Variants in SLC14A2 observed in about 807,000 individuals in gnomAD.
The protein encoded by SLC14A2 is urea transporter 2.
In SLC14A2, 91 loss-of-function variants were observed where a neutral mutation model predicts 104.6. The observed-to-expected ratio is 0.87, with a 90% CI of 0.73 to 1.04. The LOEUF is 1.04. Ranked by LOEUF, SLC14A2 falls within the 50% of genes least tolerant of loss-of-function variation. The probability of loss-of-function intolerance (pLI) is 0.00; values close to 1 mark genes in which losing one functional copy is unlikely to be tolerated. For missense variants in SLC14A2, 1,189 were observed against 1,156.0 expected (o/e 1.03, Z -0.41); for synonymous variants, 476 against 466.4 (o/e 1.02, Z -0.27).
At chr18:45,311,679 C>T (rs988998341) in intron 1 of SLC14A2, among the ~76,000 whole-genome samples, 5 of 152,208 alleles carry the variant, frequency 3.3e-5, no homozygotes, top group African/African-American at 7.2e-5. Context: ...GATGTGCATG[C>T]ATTCTTGATT....
At chr18:45,234,455 A>G (rs1370368502) in intron 1 of SLC14A2, among the ~76,000 whole-genome samples, 3 of 152,204 alleles carry the variant, frequency 2.0e-5, no homozygotes. Flanking sequence ...TAGTCAACTG[A>G]TTTTAGTGAA....
At chr18:45,463,569 G>T (rs2087084754) in intron 1 of SLC14A2, among the ~76,000 whole-genome samples, 1 of 152,222 alleles carries the variant, frequency 6.6e-6, no homozygotes, top group African/African-American at 2.4e-5. Context: ...GAGCATGGGT[G>T]GTTGTAGCCA....
At chr18:45,221,766 G>A (rs1397910644) in intron 1 of SLC14A2, among the ~76,000 whole-genome samples, 1 of 152,034 alleles carries the variant, frequency 6.6e-6, no homozygotes, top group Non-Finnish European at 1.5e-5. Context: ...ACGGCACTTG[G>A]TGGGCACCAA....
chr18:45,294,453 G>A (rs1460173086), intron 1 of SLC14A2, among the ~76,000 whole-genome samples: 1 of 151,684 alleles, frequency 6.6e-6, no homozygotes, highest in East Asian at 1.9e-4. Context: ...AGACATTTAA[G>A]GACAAAAACA....
chr18:45,278,184 A>G (rs1256527572), intron 1 of SLC14A2, among the ~76,000 whole-genome samples: 1 of 152,200 alleles, frequency 6.6e-6, no homozygotes, highest in Non-Finnish European at 1.5e-5. Context: ...TGACTTCCTC[A>G]TAGAGGGTGG....
intron 1 of SLC14A2, among the ~76,000 whole-genome samples, chr18:45,224,399 G>A (rs550943357): frequency 6.6e-6 from 1 of 152,348 alleles, no homozygotes; most frequent in Admixed American, 6.5e-5. Flanking sequence ...GACCAATCAG[G>A]TGCCAGGTTG....
At chr18:45,660,771 A>G (rs2045924389) in intron 10 of SLC14A2, among the ~76,000 whole-genome samples, 1 of 152,224 alleles carries the variant, frequency 6.6e-6, no homozygotes, top group South Asian at 2.1e-4. Context: ...TTTGATAGAC[A>G]TGTTCATAAT....
chr18:45,324,292 C>T (rs946250417), intron 1 of SLC14A2, among the ~76,000 whole-genome samples: 10 of 152,176 alleles, frequency 6.6e-5, no homozygotes, highest in African/African-American at 2.2e-4. Context: ...GCCACTGTTT[C>T]CTTGTACTTG....
intron 2 of SLC14A2, among the ~76,000 whole-genome samples, chr18:45,545,045 C>T (rs765128640): frequency 2.6e-5 from 4 of 152,018 alleles, no homozygotes; most frequent in Non-Finnish European, 5.9e-5. Flanking sequence ...CTGCCCGCCT[C>T]GGCCTCCCAA....
At chr18:45,450,191 C>T (rs570261747) in intron 1 of SLC14A2, among the ~76,000 whole-genome samples, 3 of 152,354 alleles carry the variant, frequency 2.0e-5, no homozygotes, top group East Asian at 1.9e-4. Flanking sequence ...TCAGACAGCA[C>T]ATTCTCTGCT....
chr18:45,600,650 G>C (rs2044775523), intron 2 of SLC14A2, among the ~76,000 whole-genome samples: 1 of 152,166 alleles, frequency 6.6e-6, no homozygotes, highest in African/African-American at 2.4e-5. Flanking sequence ...CAATGAGGAA[G>C]AGGCTGGGCA....
intron 10 of SLC14A2, chr18:45,647,906 A>G (rs1444063582): frequency 6.6e-6 from 1 of 152,078 alleles, no homozygotes; most frequent in East Asian, 1.9e-4. Flanking sequence ...TTGATTTTGG[A>G]CATATAAAAT....
intron 1 of SLC14A2, among the ~76,000 whole-genome samples, chr18:45,435,697 A>C (rs1051531252): frequency 3.3e-5 from 5 of 152,210 alleles, no homozygotes; most frequent in Admixed American, 3.3e-4. Context: ...AATCCACTGG[A>C]TAGTGCCTAG....
chr18:45,669,633 A>C, intron 16 of SLC14A2, 135 bp downstream of exon 16: 1 of 708,412 alleles, frequency 1.4e-6, no homozygotes, highest in Non-Finnish European at 2.3e-6. Context: ...CTACATATAT[A>C]TCTCATGAGC....
At chr18:45,517,437 AACCCTTGGAAGTG>A (rs2043457627) in intron 2 of SLC14A2, among the ~76,000 whole-genome samples, 1 of 152,182 alleles carries the variant, frequency 6.6e-6, no homozygotes, top group African/African-American at 2.4e-5. Flanking sequence ...TGTTGTGGGT[AACCCTTGGAAGTG>A]ACATGCTGTT....
chr18:45,230,230 T>C (rs1025536103), intron 1 of SLC14A2, among the ~76,000 whole-genome samples: 1 of 151,248 alleles, frequency 6.6e-6, no homozygotes, highest in Non-Finnish European at 1.5e-5. Flanking sequence ...CAATAAAAAA[T>C]AACCACAAGC....
intron 18 of SLC14A2, among the ~76,000 whole-genome samples, chr18:45,675,158 G>A (rs959344194): frequency 6.6e-6 from 1 of 152,316 alleles, no homozygotes; most frequent in Non-Finnish European, 1.5e-5. Flanking sequence ...TGAGCCTGAC[G>A]ATCTCAGGAA....
At chr18:45,444,836 T>C (rs2086738542) in intron 1 of SLC14A2, among the ~76,000 whole-genome samples, 1 of 152,200 alleles carries the variant, frequency 6.6e-6, no homozygotes, top group East Asian at 1.9e-4. Flanking sequence ...GTGGAGAAAG[T>C]GGAGAGGTCT....
chr18:45,241,661 G>A (rs76774050), intron 1 of SLC14A2, among the ~76,000 whole-genome samples: 2 of 41,780 alleles, frequency 4.8e-5, no homozygotes, highest in Non-Finnish European at 1.0e-4. Flanking sequence ...TTTTTTTTTT[G>A]AAATGGAGTT....
Sources: gnomAD v4.1 joint callset for allele counts (sites outside exome capture counted in the v4.1 genomes callset) on GRCh38, gnomAD v4.1.1 for gene constraint, MANE v1.5 for transcripts, NCBI Gene and HGNC (gene_info 2026-07-23, HGNC 2026-07-21) for gene names.